PTBP2: variants seen among roughly 807,000 people sequenced by gnomAD.
The protein encoded by PTBP2 is polypyrimidine tract-binding protein 2.
A neutral mutation model predicts 61.4 loss-of-function variants in PTBP2; 13 were observed. The ratio of observed to expected loss-of-function variants is 0.21; its 90% confidence interval spans 0.14 to 0.34. PTBP2 has a LOEUF of 0.34. Among genes scored for constraint, PTBP2 ranks in the 10% least tolerant of loss-of-function variants. The probability of loss-of-function intolerance (pLI) is 1.00; values close to 1 mark genes in which losing one functional copy is unlikely to be tolerated. For missense variants in PTBP2, 405 were observed against 642.6 expected (o/e 0.63, Z 4.00); for synonymous variants, 215 against 218.5 (o/e 0.98, Z 0.14).
At position 96,721,846 on chromosome 1, in the gene PTBP2, A is replaced by C. The variant is rs2100757551; in HGVS notation, c.-19A>C. 6.4e-7 allele frequency: 1 copy of C among 1,565,812 alleles called. No individual in the cohort carries two copies. The highest frequency in any genetic ancestry group is 2.4e-5 in the East Asian group (1 of 42,444). On this transcript the variant is annotated 5_prime_UTR_variant, in exon 1 of 14. Transcript: ENST00000674951. Reference sequence around the variant, plus strand: ...TGCGTGGCTCGGTTCTTGTGAGCGAAGCTTTGTCCGGTTCGGCAATGGACG... The same window carrying C: ...TGCGTGGCTCGGTTCTTGTGAGCGACGCTTTGTCCGGTTCGGCAATGGACG...
intron 3 of PTBP2, among the ~76,000 whole-genome samples, chr1:96,764,462 G>A (rs372235360): frequency 3.4e-4 from 52 of 152,202 alleles, no homozygotes; most frequent in African/African-American, 1.2e-3. Context: ...CTACGGAACT[G>A]GAATATCCCT....
At chr1:96,768,895 T>C (rs1657056453) in intron 3 of PTBP2, among the ~76,000 whole-genome samples, 2 of 152,040 alleles carry the variant, frequency 1.3e-5, no homozygotes, top group African/African-American at 4.8e-5. Context: ...TTATAAACTT[T>C]ACATTCTTTG....
intron 2 of PTBP2, among the ~76,000 whole-genome samples, chr1:96,733,441 G>A (rs1651722382): frequency 6.6e-6 from 1 of 152,214 alleles, no homozygotes; most frequent in Admixed American, 6.5e-5. Context: ...AACTTAGGGA[G>A]GCTGAGGCAG....
exon 14 of PTBP2, chr1:96,820,946 C>T (rs1465159226): frequency 6.6e-6 from 1 of 152,118 alleles, no homozygotes; most frequent in African/African-American, 2.4e-5. Flanking sequence ...AGCTTCTAGT[C>T]TGATTCATGT....
At chr1:96,721,948 G>A (rs563013908) in intron 1 of PTBP2, 76 bp downstream of exon 1, 1 of 1,542,666 alleles carries the variant, frequency 6.5e-7, no homozygotes, top group Non-Finnish European at 8.8e-7. Flanking sequence ...CCGGGCCGGG[G>A]AGAAACCCTC....
At chr1:96,798,886 A>G (rs1660663423) in intron 8 of PTBP2, among the ~76,000 whole-genome samples, 1 of 152,222 alleles carries the variant, frequency 6.6e-6, no homozygotes, top group Non-Finnish European at 1.5e-5. Flanking sequence ...AAAATAGCTA[A>G]AAATTATAGA....
intron 2 of PTBP2, among the ~76,000 whole-genome samples, chr1:96,731,591 A>G (rs1295712894): frequency 2.6e-5 from 4 of 152,136 alleles, no homozygotes; most frequent in Non-Finnish European, 4.4e-5. Flanking sequence ...TAATAGTTCC[A>G]CAAACTAGGT....
chr1:96,747,209 C>A (rs1020000556), intron 2 of PTBP2, among the ~76,000 whole-genome samples: 1 of 151,946 alleles, frequency 6.6e-6, no homozygotes, highest in East Asian at 1.9e-4. Context: ...TGATCCCATT[C>A]TTTACACATT....
At position 96,721,869 on chromosome 1, in the gene PTBP2, A is replaced by G; in HGVS notation, c.5A>G (p.Asp2Gly). Residue 2 changes from aspartate (D) to glycine (G), a missense_variant, in exon 1 of 14, where the codon GAC becomes GGC. Physicochemically the swap from Asp to Gly is moderately conservative, Grantham distance 94. Around this residue, in one of 4 missense-constraint regions of PTBP2, gnomAD observed 342 missense variants for 491.2 expected, o/e 0.70. Transcript: ENST00000674951. ...GAAGCTTTGTCCGGTTCGGCAATGG[A>G]CGGGTATGTAATCGGGCCGGCGAGA... M[D>G]GIVTEVAVGV... 1.3e-6 allele frequency: 2 copies of G among 1,574,706 alleles called. No individual in the cohort carries two copies. The highest frequency in any genetic ancestry group is 1.7e-6 in the Non-Finnish European group (2 of 1,160,148).
intron 8 of PTBP2, among the ~76,000 whole-genome samples, chr1:96,801,397 A>G (rs1660979854): frequency 6.6e-6 from 1 of 152,184 alleles, no homozygotes; most frequent in African/African-American, 2.4e-5. Context: ...ACAAATGTCC[A>G]GAGATTTGTG....
At chr1:96,775,084 A>G (rs1657877906) in intron 5 of PTBP2, among the ~76,000 whole-genome samples, 1 of 152,118 alleles carries the variant, frequency 6.6e-6, no homozygotes. Flanking sequence ...CTTCTCCTAA[A>G]AGCTATCCCC....
At chr1:96,723,673 G>C (rs1339718815) in intron 2 of PTBP2, 79 bp downstream of exon 2, 8 of 1,333,704 alleles carry the variant, frequency 6.0e-6, no homozygotes, top group Non-Finnish European at 8.4e-6. Context: ...TTTTGCTTTT[G>C]AAAACTATAA....
chr1:96,743,841 A>G (rs1000450105), intron 2 of PTBP2, among the ~76,000 whole-genome samples: 1 of 152,128 alleles, frequency 6.6e-6, no homozygotes, highest in Non-Finnish European at 1.5e-5. Flanking sequence ...AAAAGAGAAC[A>G]ATGCTAAGCA....
chr1:96,749,826 C>T (rs535634558), intron 2 of PTBP2: 2 of 312,894 alleles, frequency 6.4e-6, no homozygotes, highest in South Asian at 5.2e-5. Context: ...ATCCTAAGGG[C>T]TGTGATGTAG....
At chr1:96,790,967 C>T (rs770237297) in intron 8 of PTBP2, among the ~76,000 whole-genome samples, 47 of 151,720 alleles carry the variant, frequency 3.1e-4, no homozygotes, top group African/African-American at 1.1e-3. Flanking sequence ...CGTATTTTAT[C>T]GGTAAATACC....
At chr1:96,786,570 T>G (rs1403158174) in intron 8 of PTBP2, among the ~76,000 whole-genome samples, 2 of 152,196 alleles carry the variant, frequency 1.3e-5, no homozygotes, top group East Asian at 3.8e-4. Flanking sequence ...ATTATTACTA[T>G]AGATTATTAA....
At chr1:96,723,340 A>T (rs1292408119) in intron 1 of PTBP2, among the ~76,000 whole-genome samples, 3 of 152,232 alleles carry the variant, frequency 2.0e-5, no homozygotes, top group Non-Finnish European at 4.4e-5. Flanking sequence ...ATGTGTTGTT[A>T]AAAAATACCA....
intron 9 of PTBP2, among the ~76,000 whole-genome samples, chr1:96,805,272 G>A (rs1476297876): frequency 6.6e-6 from 1 of 151,994 alleles, no homozygotes; most frequent in African/African-American, 2.4e-5. Flanking sequence ...AAATTTAACT[G>A]TAAAACAATT....
chr1:96,782,570 T>C (rs1320476831), intron 7 of PTBP2, among the ~76,000 whole-genome samples: 1 of 151,904 alleles, frequency 6.6e-6, no homozygotes, highest in Non-Finnish European at 1.5e-5. Flanking sequence ...TCTACCAGGG[T>C]GGGGTTATTT....
Sources: allele counts gnomAD v4.1 joint callset (sites outside exome capture counted in the v4.1 genomes callset), GRCh38; gene constraint gnomAD v4.1.1; regional missense constraint gnomAD v4.1.1; transcripts MANE v1.5; gene names NCBI Gene and HGNC (gene_info 2026-07-23, HGNC 2026-07-21).